The following ZNF704 variants were observed in gnomAD, a reference collection of about 807,000 sequenced individuals.
The protein encoded by ZNF704 is zinc finger protein 704, also known as glucocorticoid induced gene 1.
Under a neutral mutation model 44.7 loss-of-function variants are expected in ZNF704, and 10 were observed. The observed-to-expected ratio is 0.22, with a 90% CI of 0.14 to 0.38. ZNF704 has a LOEUF of 0.38. Among genes scored for constraint, ZNF704 ranks in the 10% least tolerant of loss-of-function variants. ZNF704 has a pLI of 1.00. For missense variants in ZNF704, 390 were observed against 545.5 expected (o/e 0.71, Z 2.84); for synonymous variants, 211 against 207.6 (o/e 1.02, Z -0.14).
chr8:80,732,923 C>T (rs910358334), intron 2 of ZNF704, among the ~76,000 whole-genome samples: 19 of 146,048 alleles, frequency 1.3e-4, no homozygotes, highest in Non-Finnish European at 7.4e-5. Flanking sequence ...CACTGCACTC[C>T]GGCCTGGGTG....
rs1285540323 is a variant in ZNF704 at position 80,634,273 on chromosome 8, A to G, written c.*7093T>C. 4 of 152,262 alleles carry G rather than the reference A, an allele frequency of 2.6e-5. No homozygotes were observed. Among genetic ancestry groups the G allele is most frequent in the Admixed American group, 6.5e-5 (1 of 15,286 alleles). The allele number at this position is 152,262 out of a possible 1,614,324, so 9.4% of individuals were successfully genotyped here. The stretch of plus-strand genomic sequence containing the variant: ...TACGGGGCACAGCCTGGGCATGCCA[A>G]AAGGAGGCAGAGTGAGAGAGCTGGA... On this transcript the variant is annotated 3_prime_UTR_variant, in exon 9 of 9. Transcript: ENST00000327835.
At chr8:80,647,294 G>A (rs925699390) in intron 7 of ZNF704, among the ~76,000 whole-genome samples, 5 of 152,162 alleles carry the variant, frequency 3.3e-5, no homozygotes, top group Non-Finnish European at 5.9e-5. Context: ...AAGGCTTCCT[G>A]AGGAGGTTAC....
intron 2 of ZNF704, among the ~76,000 whole-genome samples, chr8:80,742,885 T>C (rs1444088647): frequency 6.6e-6 from 1 of 152,002 alleles, no homozygotes; most frequent in Non-Finnish European, 1.5e-5. Flanking sequence ...ACTAGCTGGA[T>C]TTCCTAGGCC....
At chr8:80,745,757 CA>C (rs1352628045) in intron 2 of ZNF704, among the ~76,000 whole-genome samples, 1 of 152,130 alleles carries the variant, frequency 6.6e-6, no homozygotes, top group African/African-American at 2.4e-5. Context: ...TGCACATGAG[CA>C]TGACCAAATT....
At chr8:80,750,159 A>T (rs1281942383) in intron 2 of ZNF704, among the ~76,000 whole-genome samples, 1 of 152,110 alleles carries the variant, frequency 6.6e-6, no homozygotes, top group Non-Finnish European at 1.5e-5. Context: ...GTCCTCACAC[A>T]TCCCCCCAGG....
chr8:80,840,584 G>A (rs114372052), intron 1 of ZNF704, among the ~76,000 whole-genome samples: 194 of 152,176 alleles, frequency 1.3e-3, no homozygotes, highest in African/African-American at 4.4e-3. Flanking sequence ...ACTCCAATAC[G>A]AGAAAATCCC....
At chr8:80,789,845 T>C (rs527644583) in intron 2 of ZNF704, among the ~76,000 whole-genome samples, 1 of 152,296 alleles carries the variant, frequency 6.6e-6, no homozygotes, top group Non-Finnish European at 1.5e-5. Context: ...TCTGCCAGTA[T>C]CTCAGGTTTA....
At chr8:80,804,192 G>A (rs1586039631) in intron 2 of ZNF704, among the ~76,000 whole-genome samples, 3 of 152,288 alleles carry the variant, frequency 2.0e-5, no homozygotes, top group Admixed American at 2.0e-4. Flanking sequence ...TGCTGGTGAG[G>A]TTGCAGAGAA....
At chr8:80,712,612 TC>T (rs991476362) in intron 2 of ZNF704, among the ~76,000 whole-genome samples, 2 of 152,066 alleles carry the variant, frequency 1.3e-5, no homozygotes, top group Non-Finnish European at 2.9e-5. Context: ...CTGTTGATGA[TC>T]CTGACTTCTC....
chr8:80,818,876 G>T (rs1808218509), intron 2 of ZNF704, among the ~76,000 whole-genome samples: 1 of 152,114 alleles, frequency 6.6e-6, no homozygotes, highest in Admixed American at 6.5e-5. Flanking sequence ...GATATACTTA[G>T]GTGACAGTGG....
intron 2 of ZNF704, among the ~76,000 whole-genome samples, chr8:80,756,373 AC>A (rs1426971222): frequency 6.6e-6 from 1 of 152,238 alleles, no homozygotes; most frequent in African/African-American, 2.4e-5. Flanking sequence ...TTTAAAAGAT[AC>A]AATTTCATCT....
At chr8:80,678,744 T>C (rs1283836214) in intron 4 of ZNF704, among the ~76,000 whole-genome samples, 1 of 152,160 alleles carries the variant, frequency 6.6e-6, no homozygotes, top group Non-Finnish European at 1.5e-5. Context: ...AAGTTACATA[T>C]CTATTAAGGG....
At chr8:80,822,564 T>C (rs1181253572) in intron 1 of ZNF704, among the ~76,000 whole-genome samples, 43 of 147,608 alleles carry the variant, frequency 2.9e-4, no homozygotes, top group Admixed American at 6.1e-4. Flanking sequence ...ATATACCCAG[T>C]AATGGGATGG....
chr8:80,662,323 A>G (rs900007613), intron 6 of ZNF704, among the ~76,000 whole-genome samples: 2 of 152,190 alleles, frequency 1.3e-5, no homozygotes, highest in East Asian at 1.9e-4. Context: ...CTGAACATTT[A>G]TAATTTCTAT....
In ZNF704 at chr8:80,783,199, G is replaced by C. The variant is rs991828979; in HGVS notation, c.221+38175C>G. Among the ~76,000 whole-genome samples the C allele has an allele frequency of 5.3e-5, 8 of 152,176 alleles. 1 individual carries two copies. The East Asian group carries it at 1.5e-3, about 29-fold the overall frequency. ...AGTAGGATGACAGAAGCAAACATTT[G>C]CCTTGCCTAGCCTGCCCTGTCCAGA... On this transcript the variant is annotated intron_variant, in intron 2 of 8. Transcript: ENST00000327835.
intron 8 of ZNF704, among the ~76,000 whole-genome samples, chr8:80,641,928 C>T (rs1259437600): frequency 1.3e-5 from 2 of 152,354 alleles, no homozygotes; most frequent in Admixed American, 1.3e-4. Flanking sequence ...TACCATATCC[C>T]TTAGGCTTCT....
At chr8:80,679,448 C>A (rs1279231710) in intron 4 of ZNF704, among the ~76,000 whole-genome samples, 1 of 150,064 alleles carries the variant, frequency 6.7e-6, no homozygotes, top group Non-Finnish European at 1.5e-5. Context: ...CCCAAGAAAG[C>A]CAAACCAAGC....
intron 2 of ZNF704, among the ~76,000 whole-genome samples, chr8:80,791,625 C>T (rs578053602): frequency 6.6e-6 from 1 of 152,262 alleles, no homozygotes; most frequent in African/African-American, 2.4e-5. Context: ...TACCTATACA[C>T]AGCAAAACAC....
At chr8:80,763,608 A>T (rs963960697) in intron 2 of ZNF704, among the ~76,000 whole-genome samples, 1 of 152,204 alleles carries the variant, frequency 6.6e-6, no homozygotes, top group African/African-American at 2.4e-5. Context: ...CTGTGATGAG[A>T]GGGGCTCCCG....
Sources: allele counts gnomAD v4.1 joint callset (sites outside exome capture counted in the v4.1 genomes callset), GRCh38; gene constraint gnomAD v4.1.1; transcripts MANE v1.5; gene names NCBI Gene and HGNC (gene_info 2026-07-23, HGNC 2026-07-21).